Variants in HELQ observed in about 807,000 individuals in gnomAD.
The protein encoded by HELQ is helicase POLQ-like.
HELQ carries 77 observed loss-of-function variants against 111.6 expected under a neutral mutation model. That is an observed-to-expected ratio of 0.69 (90% CI 0.57 to 0.83). The LOEUF (loss-of-function observed/expected upper bound fraction) is 0.83. HELQ is among the 40% of genes least tolerant of loss of function. HELQ has a pLI of 0.00. For missense variants in HELQ, 1,200 were observed against 1,288.5 expected (o/e 0.93, Z 1.05); for synonymous variants, 438 against 454.7 (o/e 0.96, Z 0.47).
At chr4:83,438,802 C>T in intron 8 of HELQ, among the ~76,000 whole-genome samples, 1 of 148,602 alleles carries the variant, frequency 6.7e-6, no homozygotes, top group East Asian at 2.0e-4. Context: ...AGATACAATT[C>T]ATTTCCACAG....
At chr4:83,447,153 G>T in intron 3 of HELQ, 118 bp from the exon 4 acceptor site, 1 of 672,458 alleles carries the variant, frequency 1.5e-6, no homozygotes, top group Non-Finnish European at 2.5e-6. Context: ...GGTGAGACCA[G>T]CCTGGGCAAC....
chr4:83,418,078 C>A lies in HELQ; in HGVS notation c.3063+15G>T. On this transcript the variant is annotated intron_variant, in intron 16 of 17. Coordinates refer to ENST00000295488, the MANE Select transcript of HELQ (RefSeq NM_133636.5). ...TTCAACATAATTTCAATTGGGAAAC[C>A]AACAAGCTACTGACCTCTAAAACTC... The A allele has an allele frequency of 7.2e-7, 1 of 1,395,814 alleles. No homozygotes were observed. The highest frequency in any genetic ancestry group is 1.0e-6 in the Non-Finnish European group (1 of 1,002,034). The allele number at this position is 1,395,814 out of a possible 1,614,324, so 86.5% of individuals were successfully genotyped here.
chr4:83,445,317 A>T (rs1239666415), intron 5 of HELQ, among the ~76,000 whole-genome samples: 1 of 152,242 alleles, frequency 6.6e-6, no homozygotes, highest in Non-Finnish European at 1.5e-5. Flanking sequence ...CCTAGCACAC[A>T]GTAGGTGATC....
At position 83,427,676 on chromosome 4, in the gene HELQ, T is replaced by C. The variant is rs1252116214; in HGVS notation, c.2563A>G (p.Lys855Glu). The change falls in exon 13 of 18, where the codon AAG becomes GAG. Residue 855 changes from lysine to glutamate, a missense_variant. By Grantham distance (56) the Lys-to-Glu change is moderately conservative (BLOSUM62 1). Around this residue, in one of 3 missense-constraint regions of HELQ, gnomAD observed 585 missense variants for 665.3 expected, o/e 0.88. Coordinates refer to ENST00000295488, the MANE Select transcript of HELQ (RefSeq NM_133636.5). ...AYCDILYRDL[K>E]KGLEGLVLES... is the part of the protein sequence containing the mutation. ...AGCACAAGTCCTTCAAGACCTTTCT[T>C]CAAGTCTCTGTACAGAATGTCACAA... The C allele has an allele frequency of 2.5e-6, 4 of 1,602,486 alleles. No individual in the cohort carries two copies. The highest frequency in any genetic ancestry group is 3.4e-6 in the Non-Finnish European group (4 of 1,175,250).
intron 6 of HELQ, among the ~76,000 whole-genome samples, chr4:83,442,260 A>ATTTTTTTT (rs70949710): frequency 1.1e-4 from 9 of 82,078 alleles, no homozygotes; most frequent in African/African-American, 2.0e-4. Context: ...AAAAACATCA[A>ATTTTTTTT]TTTTTTTTTT....
At chr4:83,443,016 T>C (rs1335257206) in intron 6 of HELQ, among the ~76,000 whole-genome samples, 1 of 152,178 alleles carries the variant, frequency 6.6e-6, no homozygotes, top group African/African-American at 2.4e-5. Context: ...ATTACATTTG[T>C]TTACTTTCTT....
intron 17 of HELQ, among the ~76,000 whole-genome samples, chr4:83,411,696 G>A (rs373242338): frequency 1.1e-4 from 16 of 152,034 alleles, no homozygotes; most frequent in Admixed American, 4.6e-4. Context: ...AGGTTGGAGT[G>A]CAGTGGCATG....
At position 83,426,056 on chromosome 4, in the gene HELQ, C is replaced by A; in HGVS notation, c.2713G>T (p.Ala905Ser). 2 of 1,610,190 alleles carry A rather than the reference C, an allele frequency of 1.2e-6. No homozygotes were observed. The highest frequency in any genetic ancestry group is 1.7e-6 in the Non-Finnish European group (2 of 1,177,030). ...QLSPAEQNVA[A>S]ILGVSESFIG... ...AAGCTTTCAGAGACTCCAAGAATGGCAGCTACATTTTGTTCTGCTGGACTG... is the reference window on the plus strand; with the variant it reads ...AAGCTTTCAGAGACTCCAAGAATGGAAGCTACATTTTGTTCTGCTGGACTG... The change falls in exon 14 of 18, where the codon GCC becomes TCC. Residue 905 changes from alanine (A) to serine (S), a missense_variant. Ala to Ser is a moderately conservative substitution (Grantham distance 99). Around this residue, in one of 3 missense-constraint regions of HELQ, gnomAD observed 585 missense variants for 665.3 expected, o/e 0.88. Coordinates refer to ENST00000295488, the MANE Select transcript of HELQ (RefSeq NM_133636.5).
At position 83,426,090 on chromosome 4, in the gene HELQ, A is replaced by G. The variant is rs144287404; in HGVS notation, c.2679T>C (p.Phe893=). The part of the protein sequence containing the change: ...NPDWMIYFRQ[F]SQLSPAEQNV... Reference sequence around the variant, plus strand: ...TTTGTTCTGCTGGACTGAGTTGGCTAAACTACATGGAAAAAGAGCAAATAG... The same window carrying G: ...TTTGTTCTGCTGGACTGAGTTGGCTGAACTACATGGAAAAAGAGCAAATAG... The change falls in exon 14 of 18, where the codon TTT becomes TTC. Residue 893 remains phenylalanine, a splice_region_variant and synonymous_variant. Transcript: ENST00000295488. 2.5e-3 allele frequency: 3,891 copies of G among 1,564,474 alleles called. 8 individuals carry two copies. The highest frequency in any genetic ancestry group is 3.1e-3 in the Non-Finnish European group (3,583 of 1,139,560).
In HELQ at chr4:83,436,895, A is replaced by T; in HGVS notation, c.2011T>A (p.Ser671Thr). ...AGGTTGACACCTGCCGCTAGGGTAG[A>T]TGTGCAGGTAAAAAGACAGAGCACT... ...TGVLCLFTCT[S>T]TLAAGVNLPA... Residue 671 changes from serine (S) to threonine (T), a missense_variant, in exon 9 of 18, where the codon TCT becomes ACT. Physicochemically the swap from Ser to Thr is moderately conservative, Grantham distance 58 (BLOSUM62 1). This residue lies in a region of HELQ where 585 missense variants were observed against 665.3 expected (regional missense o/e 0.88). Transcript: ENST00000295488. 5 of 1,614,176 alleles carry T rather than the reference A, an allele frequency of 3.1e-6. No homozygotes were observed. Among genetic ancestry groups the T allele is most frequent in the Non-Finnish European group, 4.2e-6 (5 of 1,180,018 alleles).
In HELQ at chr4:83,436,876, ACACCT is replaced by A. The variant is rs768484489; in HGVS notation, c.2025_2029del (p.Gly676GlnfsTer16). ...CTCTTACCTTCGAGCTGGTAGGTTGACACCTGCCGCTAGGGTAGATGTGCAGGTAA... is the reference window on the plus strand; with the variant it reads ...CTCTTACCTTCGAGCTGGTAGGTTGAGCCGCTAGGGTAGATGTGCAGGTAA... On this transcript the variant is annotated frameshift_variant, in exon 9 of 18. Transcript: ENST00000295488. LOFTEE classifies it high-confidence loss of function. The A allele has an allele frequency of 2.5e-5, 40 of 1,613,844 alleles. No individual in the cohort carries two copies. Among genetic ancestry groups the A allele is most frequent in the Non-Finnish European group, 3.1e-5 (37 of 1,179,934 alleles).
chr4:83,416,344 C>T (rs954250997), intron 17 of HELQ, among the ~76,000 whole-genome samples: 9 of 151,940 alleles, frequency 5.9e-5, no homozygotes, highest in African/African-American at 1.2e-4. Flanking sequence ...CCTCAGTCTC[C>T]GGAGTAGCTA....
chr4:83,427,784 AATATT>A (rs1719924181), intron 12 of HELQ, 64 bp from the exon 13 acceptor site: 1 of 1,195,712 alleles, frequency 8.4e-7, no homozygotes, highest in Middle Eastern at 2.1e-4. Flanking sequence ...GATGGCTTTA[AATATT>A]GTGTAGAAAT....
intron 15 of HELQ, among the ~76,000 whole-genome samples, chr4:83,419,629 C>G (rs1739556675): frequency 1.3e-5 from 2 of 151,380 alleles, no homozygotes; most frequent in Admixed American, 1.3e-4. Flanking sequence ...CTATAAGGCT[C>G]AAGTCCTCAT....
chr4:83,432,154 A>G lies in HELQ; in HGVS notation c.2162T>C (p.Leu721Pro). 6.3e-7 allele frequency: 1 copy of G among 1,588,044 alleles called. No individual in the cohort carries two copies. Among genetic ancestry groups the G allele is most frequent in the South Asian group, 1.2e-5 (1 of 85,778 alleles). Residue 721 changes from leucine to proline, a missense_variant, in exon 10 of 18, where the codon CTC (leucine) becomes CCC (proline). Leu to Pro is a moderately conservative substitution (Grantham distance 98). Transcript: ENST00000295488. Reference sequence around the variant, plus strand: ...TTGTTTGTCTTTTTCTTGCAATATGAGGATACTCTCCCCAATAGTATCTAT... The same window carrying G: ...TTGTTTGTCTTTTTCTTGCAATATGGGGATACTCTCCCCAATAGTATCTAT... ...AGIDTIGESI[L>P]ILQEKDKQQV...
At chr4:83,427,455 G>T in intron 13 of HELQ, 108 bp downstream of exon 13, 1 of 882,662 alleles carries the variant, frequency 1.1e-6, no homozygotes, top group Non-Finnish European at 1.6e-6. Flanking sequence ...AGGAGTTTGA[G>T]ACCAGCCTGG....
At position 83,439,845 on chromosome 4, in the gene HELQ, TA is replaced by T. The variant is rs761474541; in HGVS notation, c.1808+17del. 46 of 1,473,322 alleles carry T rather than the reference TA, an allele frequency of 3.1e-5. No individual in the cohort carries two copies. In the African/African-American group the frequency reaches 5.3e-4, roughly 17 times the overall value. 91.3% of individuals were successfully genotyped at this position (1,473,322 alleles called of 1,614,324 possible). A position where few individuals can be genotyped will look rare whatever the true frequency, so the allele number is the denominator to read the frequency against. On this transcript the variant is annotated intron_variant, in intron 8 of 17. Transcript: ENST00000295488. Reference sequence around the variant, plus strand: ...CCTAATAAAAATAAAACAGGCTATTTAAAAAATATTAACATACTTGCTTAAA... The same window carrying T: ...CCTAATAAAAATAAAACAGGCTATTTAAAAATATTAACATACTTGCTTAAA...
intron 12 of HELQ, among the ~76,000 whole-genome samples, chr4:83,428,349 A>G (rs1719953645): frequency 6.6e-6 from 1 of 151,322 alleles, no homozygotes; most frequent in Non-Finnish European, 1.5e-5. Flanking sequence ...ATTATTTTTC[A>G]TTAAAAAAAA....
chr4:83,455,380 T>C lies in HELQ; in HGVS notation c.297+17A>G. The C allele has an allele frequency of 6.2e-7, 1 of 1,602,266 alleles. No homozygotes were observed. Among genetic ancestry groups the C allele is most frequent in the African/African-American group, 1.3e-5 (1 of 74,782 alleles). On this transcript the variant is annotated intron_variant, in intron 1 of 17. Transcript: ENST00000295488. ...GATGCCAAAAGTTTGCAGTTTCAAG[T>C]TCCAAGTCCTCCGTACCTGGTCTCC...
Sources: gnomAD v4.1 joint callset for allele counts (sites outside exome capture counted in the v4.1 genomes callset) on GRCh38, gnomAD v4.1.1 for gene constraint, gnomAD v4.1.1 regional missense constraint, MANE v1.5 for transcripts, NCBI Gene and HGNC (gene_info 2026-07-23, HGNC 2026-07-21) for gene names.